NOVA2: variants seen among roughly 807,000 people sequenced by gnomAD.
NOVA2 encodes NOVA alternative splicing regulator 2.
Under a neutral mutation model 22.5 loss-of-function variants are expected in NOVA2, and 9 were observed. That is an observed-to-expected ratio of 0.40 (90% CI 0.24 to 0.70). The LOEUF (loss-of-function observed/expected upper bound fraction) is 0.70, where lower values mean the gene tolerates loss of function less well. Among genes scored for constraint, NOVA2 ranks in the 30% least tolerant of loss-of-function variants. The pLI is 0.38. For missense variants in NOVA2, 383 were observed against 682.8 expected (o/e 0.56, Z 4.89); for synonymous variants, 318 against 335.2 (o/e 0.95, Z 0.56).
chr19:45,944,117 A>G (rs1967802625), intron 3 of NOVA2, among the ~76,000 whole-genome samples: 1 of 152,040 alleles, frequency 6.6e-6, no homozygotes, highest in African/African-American at 2.4e-5. Flanking sequence ...TATTCCTTCT[A>G]TTGTGGTCCT....
intron 1 of NOVA2, among the ~76,000 whole-genome samples, chr19:45,966,676 G>A (rs1006506958): frequency 1.3e-5 from 2 of 152,130 alleles, no homozygotes; most frequent in African/African-American, 2.4e-5. Context: ...TCAGAAGTTC[G>A]AGACCAGCCT....
At chr19:45,959,204 C>T (rs1414325580) in intron 2 of NOVA2, among the ~76,000 whole-genome samples, 1 of 152,160 alleles carries the variant, frequency 6.6e-6, no homozygotes, top group Non-Finnish European at 1.5e-5. Context: ...CATTTTCCTA[C>T]ATTCCTGTGG....
intron 2 of NOVA2, among the ~76,000 whole-genome samples, chr19:45,955,990 G>A (rs1316049111): frequency 1.6e-4 from 25 of 152,190 alleles, no homozygotes; most frequent in Non-Finnish European, 2.9e-5. Context: ...AGTGCAGCAC[G>A]CTGGTGACAC....
At chr19:45,960,628 G>C (rs559565819) in intron 2 of NOVA2, among the ~76,000 whole-genome samples, 47 of 151,880 alleles carry the variant, frequency 3.1e-4, no homozygotes, top group Non-Finnish European at 6.3e-4. Context: ...AATTCCAAAG[G>C]GGGGAGCAAG....
rs534166742 is a variant in NOVA2 at position 45,959,856 on chromosome 19, G to A, written c.229+1154C>T. On this transcript the variant is annotated intron_variant, in intron 2 of 3. Transcript: ENST00000263257. ...AGAGAGAGAGAGAAAGAGAGAGAGA[G>A]AAAATGAGTGCGTACTGACCCTGGG... Among the ~76,000 whole-genome samples, 26 of 151,722 alleles carry A rather than the reference G, an allele frequency of 1.7e-4. No homozygotes were observed. The South Asian group carries it at 5.0e-3, about 29-fold the overall frequency.
chr19:45,967,182 A>C (rs1968178332), intron 1 of NOVA2, among the ~76,000 whole-genome samples: 1 of 151,974 alleles, frequency 6.6e-6, no homozygotes, highest in African/African-American at 2.4e-5. Context: ...CCCCGTTGTG[A>C]GCATCAGTCT....
intron 3 of NOVA2, among the ~76,000 whole-genome samples, chr19:45,945,714 A>G (rs537216713): frequency 3.3e-5 from 5 of 152,172 alleles, no homozygotes. Context: ...ATGAATATGA[A>G]TAGTATTTCA....
At chr19:45,946,793 A>G (rs1600601733) in intron 3 of NOVA2, among the ~76,000 whole-genome samples, 1 of 151,660 alleles carries the variant, frequency 6.6e-6, no homozygotes, top group Non-Finnish European at 1.5e-5. Flanking sequence ...AATTGCTTGA[A>G]CCTGGGAGGC....
rs141333781 is a variant in NOVA2, at chr19:45,944,100, A to G, written c.397-3155T>C. 3.1e-3 allele frequency among the ~76,000 whole-genome samples: 470 copies of G among 152,242 alleles called. 1 individual carries two copies. The highest frequency in any genetic ancestry group is 0.011 in the African/African-American group (437 of 41,534). On this transcript the variant is annotated intron_variant, in intron 3 of 3. Coordinates refer to ENST00000263257, the MANE Select transcript of NOVA2 (RefSeq NM_002516.4). The stretch of plus-strand genomic sequence containing the variant: ...TATGCTTAGGTGTGAGCAGCTGCCT[A>G]ATTCATTATTCCTTCTATTGTGGTC...
chr19:45,960,885 A>G lies in NOVA2; in HGVS notation c.229+125T>C, dbSNP rs559019848. The G allele has an allele frequency of 1.3e-5, 13 of 981,028 alleles. No homozygotes were observed. The African/African-American group carries it at 1.8e-4, about 14-fold the overall frequency. 60.8% of individuals were successfully genotyped at this position (981,028 alleles called of 1,614,324 possible). A position where few individuals can be genotyped will look rare whatever the true frequency, so the allele number is the denominator to read the frequency against. ...AGCTCTGTCCCCTTAGGGGAAGGGG[A>G]GGCCCCCTCCCCACCACTGTCACTG... is the stretch of plus-strand genomic sequence containing the variant. On this transcript the variant is annotated intron_variant, in intron 2 of 3. Transcript: ENST00000263257.
chr19:45,946,795 C>T (rs1158339723), intron 3 of NOVA2, among the ~76,000 whole-genome samples: 1 of 151,752 alleles, frequency 6.6e-6, no homozygotes, highest in East Asian at 1.9e-4. Flanking sequence ...TTGCTTGAAC[C>T]TGGGAGGCGG....
At chr19:45,972,224 C>T (rs2146431543) in intron 1 of NOVA2, among the ~76,000 whole-genome samples, 1 of 152,178 alleles carries the variant, frequency 6.6e-6, no homozygotes, top group African/African-American at 2.4e-5. Flanking sequence ...CCCAGCCTCT[C>T]CCTCGTCATA....
rs1967727549 is a variant in NOVA2 at position 45,940,280 on chromosome 19, C to T, written c.1062G>A (p.Gly354=). 1 of 1,114,056 alleles carries T rather than the reference C, an allele frequency of 9.0e-7. No homozygotes were observed. Among genetic ancestry groups the T allele is most frequent in the African/African-American group, 1.7e-5 (1 of 59,686 alleles). 69.0% of individuals were successfully genotyped at this position (1,114,056 alleles called of 1,614,324 possible). A position where few individuals can be genotyped will look rare whatever the true frequency, so the allele number is the denominator to read the frequency against. ...TGGCGGCTGCGGCCAACGCAAAGGA[C>T]CCCAGGGCTCCGGGAGGCGGGGGCG... ...PPPPPPPGAL[G]SFALAAAANG... The change falls in exon 4 of 4, where the codon GGG becomes GGA. Residue 354 remains glycine (G), a synonymous_variant. Coordinates refer to ENST00000263257, the MANE Select transcript of NOVA2 (RefSeq NM_002516.4).
intron 1 of NOVA2, among the ~76,000 whole-genome samples, chr19:45,964,371 TGTGTGTGTGTGTG>T (rs1260916852): frequency 2.0e-5 from 3 of 148,828 alleles, no homozygotes; most frequent in Admixed American, 6.7e-5. Context: ...TGTGTGTGTG[TGTGTGTGTGTGTG>T]TGTGTGTGTG....
At chr19:45,964,598 T>A (rs1968146224) in intron 1 of NOVA2, among the ~76,000 whole-genome samples, 1 of 151,916 alleles carries the variant, frequency 6.6e-6, no homozygotes. Context: ...TCTTTCTCTG[T>A]TGCCCAGGCT....
At chr19:45,950,172 T>A (rs1050350405) in intron 3 of NOVA2, among the ~76,000 whole-genome samples, 9 of 151,522 alleles carry the variant, frequency 5.9e-5, no homozygotes, top group Non-Finnish European at 8.8e-5. Flanking sequence ...TTCTTTTTTT[T>A]TTTTTTTTTA....
rs985074325 is a variant in NOVA2 at position 45,938,469 on chromosome 19, A to G, written c.*1394T>C. ...CCTACTATGGCTCACTGAACTCTAC[A>G]CCTGGCCATACTGGCCTGACAGAGC... On this transcript the variant is annotated 3_prime_UTR_variant, in exon 4 of 4. Transcript: ENST00000263257. The G allele has an allele frequency of 2.0e-5, 3 of 152,388 alleles. No homozygotes were observed. Among genetic ancestry groups the G allele is most frequent in the African/African-American group, 7.2e-5 (3 of 41,440 alleles). The allele number at this position is 152,388 out of a possible 1,614,324, so 9.4% of individuals were successfully genotyped here. A position where few individuals can be genotyped will look rare whatever the true frequency, so the allele number is the denominator to read the frequency against.
intron 3 of NOVA2, among the ~76,000 whole-genome samples, chr19:45,942,681 A>G (rs1158727060): frequency 6.6e-6 from 1 of 152,064 alleles, no homozygotes; most frequent in Non-Finnish European, 1.5e-5. Context: ...CTCCAGGATG[A>G]AGAAGTTGGT....
intron 2 of NOVA2, among the ~76,000 whole-genome samples, chr19:45,956,851 G>A (rs1004187787): frequency 6.6e-6 from 1 of 152,166 alleles, no homozygotes; most frequent in African/African-American, 2.4e-5. Flanking sequence ...GCACAGAGAG[G>A]GCTCAAGATG....
Sources: allele counts gnomAD v4.1 joint callset (sites outside exome capture counted in the v4.1 genomes callset), GRCh38; gene constraint gnomAD v4.1.1; transcripts MANE v1.5; gene names NCBI Gene and HGNC (gene_info 2026-07-23, HGNC 2026-07-21).